Variants in PLCG1 observed in about 807,000 individuals in gnomAD.
The protein encoded by PLCG1 is phospholipase C gamma 1.
In PLCG1, 71 loss-of-function variants were observed where a neutral mutation model predicts 177.8. That is an observed-to-expected ratio of 0.40 (90% CI 0.33 to 0.49). PLCG1 has a LOEUF of 0.49. Ranked by LOEUF, PLCG1 falls within the 20% of genes least tolerant of loss-of-function variation. The probability of loss-of-function intolerance (pLI) is 0.72; values close to 1 mark genes in which losing one functional copy is unlikely to be tolerated. For synonymous variants in PLCG1, 658 were observed against 647.9 expected (o/e 1.02, Z -0.24); for missense variants, 1,281 against 1,709.0 (o/e 0.75, Z 4.42).
Position 41,160,878 on chromosome 20 carries a change from A to G in PLCG1, c.512+725A>G, listed in dbSNP as rs1029090678. On this transcript the variant is annotated intron_variant, in intron 4 of 31. Coordinates refer to ENST00000685551, the MANE Select transcript of PLCG1 (RefSeq NM_002660.3). The surrounding 1 kb of genome is among the most constrained non-coding windows in gnomAD (Gnocchi z 5.5). ...CAACTGGAAAACAGAGTCACCATTG[A>G]CTGAGATGAGAAGATCATGGGACTA... Among the ~76,000 whole-genome samples the G allele has an allele frequency of 6.6e-6, 1 of 152,200 alleles. No homozygotes were observed. The highest frequency in any genetic ancestry group is 1.5e-5 in the Non-Finnish European group (1 of 68,034).
At position 41,177,022 on chromosome 20, in the gene PLCG1, C is replaced by T. The variant is rs1013063590; in HGVS notation, c.*2513C>T. On this transcript the variant is annotated 3_prime_UTR_variant, in exon 32 of 32. Transcript: ENST00000685551. ...GCCTTAGCATAGGTATTGTTCAAAA[C>T]CTCTCAAGGTGATTTAAATGAGTAA... The T allele has an allele frequency of 3.9e-5, 6 of 152,230 alleles. No individual in the cohort carries two copies. Among genetic ancestry groups the T allele is most frequent in the Non-Finnish European group, 8.8e-5 (6 of 68,044 alleles). 9.4% of individuals were successfully genotyped at this position (152,230 alleles called of 1,614,324 possible).
At position 41,148,889 on chromosome 20, in the gene PLCG1, A is replaced by G. The variant is rs898787773; in HGVS notation, c.218-10717A>G. On this transcript the variant is annotated intron_variant, in intron 1 of 31. Coordinates refer to ENST00000685551, the MANE Select transcript of PLCG1 (RefSeq NM_002660.3). The surrounding 1 kb of genome is among the most constrained non-coding windows in gnomAD (Gnocchi z 4.3). ...GTACAGGCAGTCTTGGCTTTGAAGT[A>G]TTGTTGGCTTTGCCACTCACCAACT... Among the ~76,000 whole-genome samples the G allele has an allele frequency of 2.6e-5, 4 of 152,324 alleles. No homozygotes were observed. The highest frequency in any genetic ancestry group is 1.9e-4 in the East Asian group (1 of 5,188).
intron 1 of PLCG1, among the ~76,000 whole-genome samples, chr20:41,158,269 C>T (rs2035385060): frequency 6.6e-6 from 1 of 152,010 alleles, no homozygotes; most frequent in Non-Finnish European, 1.5e-5. Context: ...TGGAAGGGCT[C>T]CTGGGGTGGG....
chr20:41,139,147 C>A (rs1013831947), intron 1 of PLCG1, among the ~76,000 whole-genome samples: 7 of 152,186 alleles, frequency 4.6e-5, no homozygotes, highest in Non-Finnish European at 1.0e-4. Context: ...CAACCATCCT[C>A]AGCTACAAAC....
Position 41,163,276 on chromosome 20 carries a change from G to T in PLCG1, c.789+1G>T, listed in dbSNP as rs755432399. ...GCAGTTCCTTCTTGACTACCAGGGG[G>T]TATGGCTGGGCTGACATTGGCCCAG... On this transcript the variant is annotated splice_donor_variant, in intron 8 of 31. Coordinates refer to ENST00000685551, the MANE Select transcript of PLCG1 (RefSeq NM_002660.3). LOFTEE classifies it high-confidence loss of function. This position sits in a 1 kb window ranked among gnomAD's most constrained non-coding sequence, Gnocchi z 5.2. The T allele has an allele frequency of 6.4e-7, 1 of 1,571,902 alleles. No homozygotes were observed. Among genetic ancestry groups the T allele is most frequent in the Non-Finnish European group, 8.6e-7 (1 of 1,159,778 alleles).
At position 41,174,524 on chromosome 20, in the gene PLCG1, C is replaced by T. The variant is rs756961978; in HGVS notation, c.*15C>T. 13 of 1,577,972 alleles carry T rather than the reference C, an allele frequency of 8.2e-6. No individual in the cohort carries two copies. The highest frequency in any genetic ancestry group is 4.6e-5 in the East Asian group (2 of 43,028). ...ACCGCCTCTAGTTGTACCCCAGCCTCGTTGGAGAGCAGCAGGTGCTGTGCG... is the reference window on the plus strand; with the variant it reads ...ACCGCCTCTAGTTGTACCCCAGCCTTGTTGGAGAGCAGCAGGTGCTGTGCG... On this transcript the variant is annotated 3_prime_UTR_variant, in exon 32 of 32. Coordinates refer to ENST00000685551, the MANE Select transcript of PLCG1 (RefSeq NM_002660.3). This position sits in a 1 kb window ranked among gnomAD's most constrained non-coding sequence, Gnocchi z 5.8.
chr20:41,162,724 C>A lies in PLCG1; in HGVS notation c.680C>A (p.Thr227Lys). 6.2e-7 allele frequency: 1 copy of A among 1,610,514 alleles called. No homozygotes were observed. The highest frequency in any genetic ancestry group is 1.1e-5 in the South Asian group (1 of 90,656). ...AGCCTCATGTACAGCGCCCAGAAGA[C>A]GGTGCATGAGCCACCTGCCCTCCCT... ...YRSLMYSAQKTMDLPFLEAST... is the reference protein window; with the variant it reads ...YRSLMYSAQKKMDLPFLEAST... Residue 227 changes from threonine to lysine, a missense_variant and splice_region_variant, in exon 6 of 32, where the codon ACG becomes AAG. Thr to Lys is a moderately conservative substitution (Grantham distance 78). Around this residue, in one of 4 missense-constraint regions of PLCG1, gnomAD observed 374 missense variants for 443.8 expected, o/e 0.84. Transcript: ENST00000685551.
chr20:41,161,427 T>C (rs769836390), intron 4 of PLCG1, among the ~76,000 whole-genome samples: 8 of 151,952 alleles, frequency 5.3e-5, no homozygotes, highest in Non-Finnish European at 1.2e-4. Flanking sequence ...ACAGGTGTTT[T>C]TGGTGGAAGA....
Position 41,174,326 on chromosome 20 carries a change from G to C in PLCG1, c.3833+15G>C, listed in dbSNP as rs748053091. ...CGAGAACGAAGGTGAGGAAGATGGA[G>C]GGGTGCTAGAGCCAGGAAGGCAGTG... On this transcript the variant is annotated intron_variant, in intron 31 of 31. Transcript: ENST00000685551. This position sits in a 1 kb window ranked among gnomAD's most constrained non-coding sequence, Gnocchi z 5.8. The C allele has an allele frequency of 1.2e-6, 2 of 1,611,706 alleles. No individual in the cohort carries two copies. Among genetic ancestry groups the C allele is most frequent in the Non-Finnish European group, 1.7e-6 (2 of 1,177,888 alleles).
chr20:41,140,075 G>C (rs1333273690), intron 1 of PLCG1, among the ~76,000 whole-genome samples: 1 of 152,164 alleles, frequency 6.6e-6, no homozygotes, highest in Admixed American at 6.5e-5. Context: ...CAGGCATACA[G>C]AGGACCTGAT....
In PLCG1 at chr20:41,166,217, G is replaced by A; in HGVS notation, c.1823G>A (p.Cys608Tyr). ...SFWRNGKVQH[C>Y]RIHSRQDAGT... ...AGGCGGAACGGGAAAGTCCAGCACT[G>A]CCGTATCCACTCCCGGCAAGATGCT... The change falls in exon 17 of 32, where the codon TGC (cysteine) becomes TAC (tyrosine). Residue 608 changes from cysteine to tyrosine, a missense_variant. Physicochemically the swap from Cys to Tyr is radical, Grantham distance 194. Coordinates refer to ENST00000685551, the MANE Select transcript of PLCG1 (RefSeq NM_002660.3). This position sits in a 1 kb window ranked among gnomAD's most constrained non-coding sequence, Gnocchi z 8.6. 1 of 1,613,720 alleles carries A rather than the reference G, an allele frequency of 6.2e-7. No individual in the cohort carries two copies. Among genetic ancestry groups the A allele is most frequent in the Non-Finnish European group, 8.5e-7 (1 of 1,179,996 alleles).
In PLCG1 at chr20:41,163,231, G is replaced by A; in HGVS notation, c.745G>A (p.Val249Met). 1.3e-6 allele frequency: 2 copies of A among 1,549,234 alleles called. No individual in the cohort carries two copies. The highest frequency in any genetic ancestry group is 1.7e-6 in the Non-Finnish European group (2 of 1,150,132). Residue 249 changes from valine (V) to methionine (M), a missense_variant, in exon 8 of 32, where the codon GTG (valine) becomes ATG (methionine). Around this residue, in one of 4 missense-constraint regions of PLCG1, gnomAD observed 374 missense variants for 443.8 expected, o/e 0.84. Coordinates refer to ENST00000685551, the MANE Select transcript of PLCG1 (RefSeq NM_002660.3). The surrounding 1 kb of genome is among the most constrained non-coding windows in gnomAD (Gnocchi z 5.2). ...TGGGGAGCGGCCGGAGCTTTGCCGA[G>A]TGTCCCTTCCTGAGTTCCAGCAGTT... Reference protein sequence around the residue: ...RAGERPELCRVSLPEFQQFLL... With the variant: ...RAGERPELCRMSLPEFQQFLL...
intron 1 of PLCG1, among the ~76,000 whole-genome samples, chr20:41,143,538 A>G (rs1220982259): frequency 6.6e-6 from 1 of 152,236 alleles, no homozygotes; most frequent in East Asian, 1.9e-4. Context: ...GCATGGGAAC[A>G]GTGCGTCCTT....
In PLCG1 at chr20:41,172,502, A is replaced by G. The variant is rs1022943561; in HGVS notation, c.2987A>G (p.Lys996Arg). Residue 996 changes from lysine to arginine, a missense_variant, in exon 26 of 32, where the codon AAA becomes AGA. Around this residue, in one of 4 missense-constraint regions of PLCG1, gnomAD observed 723 missense variants for 1,030.0 expected, o/e 0.70. Coordinates refer to ENST00000685551, the MANE Select transcript of PLCG1 (RefSeq NM_002660.3). The surrounding 1 kb of genome is among the most constrained non-coding windows in gnomAD (Gnocchi z 7.0). The part of the protein sequence containing the change: ...TKAEKYVNKA[K>R]GKKFLQYNRL... ...GCTGAGAAATACGTGAACAAGGCCA[A>G]AGGCAAGAAGTTCCTTCAGTACAAT... 6 of 1,614,076 alleles carry G rather than the reference A, an allele frequency of 3.7e-6. No homozygotes were observed. Among genetic ancestry groups the G allele is most frequent in the Admixed American group, 1.7e-5 (1 of 60,004 alleles).
In PLCG1 at chr20:41,174,956, C is replaced by T. The variant is rs1450250603; in HGVS notation, c.*447C>T. On this transcript the variant is annotated 3_prime_UTR_variant, in exon 32 of 32. Coordinates refer to ENST00000685551, the MANE Select transcript of PLCG1 (RefSeq NM_002660.3). The surrounding 1 kb of genome is among the most constrained non-coding windows in gnomAD (Gnocchi z 5.8). ...ACATTGTCCTGTAGCTTTAAAACCA[C>T]AGCTGGGCAGGGTGAGAAGCTAGAT... 1 of 172,462 alleles carries T rather than the reference C, an allele frequency of 5.8e-6. No individual in the cohort carries two copies. Among genetic ancestry groups the T allele is most frequent in the Non-Finnish European group, 1.2e-5 (1 of 80,570 alleles). 10.7% of individuals were successfully genotyped at this position (172,462 alleles called of 1,614,324 possible).
At chr20:41,141,883 T>C (rs2034842355) in intron 1 of PLCG1, among the ~76,000 whole-genome samples, 1 of 152,252 alleles carries the variant, frequency 6.6e-6, no homozygotes, top group Non-Finnish European at 1.5e-5. Context: ...GACTCTTGTG[T>C]GTGTGTGTAC....
At position 41,174,775 on chromosome 20, in the gene PLCG1, A is replaced by G. The variant is rs542906982; in HGVS notation, c.*266A>G. ...ACACATCTGGCCCTGACTTCTGGAG[A>G]TGGATCCTTCCATCTTGTGGGGCCA... On this transcript the variant is annotated 3_prime_UTR_variant, in exon 32 of 32. Transcript: ENST00000685551. This position sits in a 1 kb window ranked among gnomAD's most constrained non-coding sequence, Gnocchi z 5.8. The G allele has an allele frequency of 2.9e-5, 14 of 490,188 alleles. No homozygotes were observed. The highest frequency in any genetic ancestry group is 4.8e-5 in the Non-Finnish European group (13 of 269,720). 30.4% of individuals were successfully genotyped at this position (490,188 alleles called of 1,614,324 possible).
At chr20:41,158,926 C>T (rs1245590077) in intron 1 of PLCG1, among the ~76,000 whole-genome samples, 1 of 152,198 alleles carries the variant, frequency 6.6e-6, no homozygotes, top group African/African-American at 2.4e-5. Context: ...TATTCAAGCC[C>T]GTGTACCTCT....
chr20:41,137,993 C>T lies in PLCG1; in HGVS notation c.217+135C>T, dbSNP rs2034656620. On this transcript the variant is annotated intron_variant, in intron 1 of 31. Coordinates refer to ENST00000685551, the MANE Select transcript of PLCG1 (RefSeq NM_002660.3). The surrounding 1 kb of genome is among the most constrained non-coding windows in gnomAD (Gnocchi z 7.3). ...GGCCCTCCCAGACTCCCTCCGGGCC[C>T]CGCCCCCGCTTCGTCTCGGGTGGTC... 5.5e-6 allele frequency: 3 copies of T among 544,488 alleles called. No homozygotes were observed. In the East Asian group the frequency reaches 1.1e-4, roughly 19 times the overall value. 33.7% of individuals were successfully genotyped at this position (544,488 alleles called of 1,614,324 possible).
Sources: allele counts gnomAD v4.1 joint callset (sites outside exome capture counted in the v4.1 genomes callset), GRCh38; gene constraint gnomAD v4.1.1; regional missense constraint gnomAD v4.1.1; non-coding constraint Gnocchi (gnomAD v3.1); transcripts MANE v1.5; gene names NCBI Gene and HGNC (gene_info 2026-07-23, HGNC 2026-07-21).